CRPPA: variants seen among roughly 807,000 people sequenced by gnomAD.
CRPPA encodes the protein CDP-L-ribitol pyrophosphorylase A.
Under a neutral mutation model 52.0 loss-of-function variants are expected in CRPPA, and 43 were observed. That is an observed-to-expected ratio of 0.83 (90% CI 0.65 to 1.07). CRPPA has a LOEUF of 1.07. CRPPA is among the 50% of genes least tolerant of loss of function. The probability of loss-of-function intolerance (pLI) is 0.00; values close to 1 mark genes in which losing one functional copy is unlikely to be tolerated. For synonymous variants in CRPPA, 250 were observed against 203.5 expected (o/e 1.23, Z -1.94); for missense variants, 629 against 551.7 (o/e 1.14, Z -1.40).
chr7:16,383,966 G>A (rs920818874), intron 2 of CRPPA, among the ~76,000 whole-genome samples: 1 of 152,200 alleles, frequency 6.6e-6, no homozygotes, highest in African/African-American at 2.4e-5. Flanking sequence ...GCAATGCCTC[G>A]CCCTGCTTTG....
rs397514547 is a variant in CRPPA, at chr7:16,406,129, C to G, written c.466G>C (p.Asp156His). 6.2e-7 allele frequency: 1 copy of G among 1,613,962 alleles called. No homozygotes were observed. Among genetic ancestry groups the G allele is most frequent in the South Asian group, 1.1e-5 (1 of 91,082 alleles). ...TCCTCAACAAATGGTCTCACAGCATCATGGATAATCACTACTTCTGGCTTA... is the reference window on the plus strand; with the variant it reads ...TCCTCAACAAATGGTCTCACAGCATGATGGATAATCACTACTTCTGGCTTA... ...LSKPEVVIIH[D>H]AVRPFVEEGV... Residue 156 changes from aspartate to histidine, a missense_variant, in exon 2 of 10, where the codon GAT (aspartate) becomes CAT (histidine). By Grantham distance (81) the Asp-to-His change is moderately conservative. Transcript: ENST00000407010.
rs1784527683 is a variant in CRPPA at position 16,290,007 on chromosome 7, A to G, written c.835+11414T>C. On this transcript the variant is annotated intron_variant, in intron 5 of 9. Coordinates refer to ENST00000407010, the MANE Select transcript of CRPPA (RefSeq NM_001101426.4). ...AAAATTCAACATACAAAAATCAGTC[A>G]TATTTTCATATACAAATAACTAGCT... Among the ~76,000 whole-genome samples the G allele has an allele frequency of 2.0e-5, 3 of 152,176 alleles. No homozygotes were observed. The South Asian group carries it at 6.2e-4, about 31-fold the overall frequency.
chr7:16,117,390 C>T (rs984054249), intron 9 of CRPPA, among the ~76,000 whole-genome samples: 4 of 152,178 alleles, frequency 2.6e-5, no homozygotes, highest in African/African-American at 4.8e-5. Context: ...CCTTCCTTTT[C>T]TTTCCTTCAG....
chr7:16,147,304 T>C (rs1416177622), intron 9 of CRPPA, among the ~76,000 whole-genome samples: 2 of 152,196 alleles, frequency 1.3e-5, no homozygotes, highest in African/African-American at 2.4e-5. Flanking sequence ...AATCCCTGGC[T>C]TCAAGGAACG....
chr7:16,232,014 G>C (rs1258068721), intron 8 of CRPPA, among the ~76,000 whole-genome samples: 2 of 152,138 alleles, frequency 1.3e-5, no homozygotes, highest in East Asian at 3.9e-4. Context: ...ACAGAATAGA[G>C]TCACAGGTAG....
At chr7:16,158,031 C>T (rs553489195) in intron 9 of CRPPA, among the ~76,000 whole-genome samples, 5 of 151,556 alleles carry the variant, frequency 3.3e-5, no homozygotes, top group African/African-American at 9.7e-5. Flanking sequence ...CGTGCCACCA[C>T]GCCCAGCTAA....
chr7:16,252,960 T>A (rs1003627266), intron 8 of CRPPA, among the ~76,000 whole-genome samples: 7 of 152,224 alleles, frequency 4.6e-5, no homozygotes, highest in Non-Finnish European at 8.8e-5. Context: ...ATCCCCTTTA[T>A]CATTTTTAAT....
At chr7:16,358,433 C>T (rs1366257473) in intron 3 of CRPPA, among the ~76,000 whole-genome samples, 2 of 152,186 alleles carry the variant, frequency 1.3e-5, no homozygotes, top group African/African-American at 4.8e-5. Context: ...TTACCTTTCA[C>T]GGGCTAAATC....
intron 3 of CRPPA, among the ~76,000 whole-genome samples, chr7:16,318,514 G>T (rs114181265): frequency 2.0e-4 from 31 of 151,986 alleles, no homozygotes; most frequent in Non-Finnish European, 3.4e-4. Context: ...TAACAAATAT[G>T]TACAAAAAAA....
intron 9 of CRPPA, among the ~76,000 whole-genome samples, chr7:16,128,711 G>T (rs1036411530): frequency 6.6e-6 from 1 of 152,120 alleles, no homozygotes; most frequent in African/African-American, 2.4e-5. Context: ...GGAAAAATTT[G>T]TCCCTAATAA....
In CRPPA at chr7:16,146,700, TTATACC is replaced by T. The variant is rs559393749; in HGVS notation, c.1252-54907_1252-54902del. 2.7e-3 allele frequency among the ~76,000 whole-genome samples: 413 copies of T among 152,310 alleles called. 3 individuals carry two copies. Among genetic ancestry groups the T allele is most frequent in the African/African-American group, 9.5e-3 (395 of 41,566 alleles). On this transcript the variant is annotated intron_variant, in intron 9 of 9. Coordinates refer to ENST00000407010, the MANE Select transcript of CRPPA (RefSeq NM_001101426.4). ...CGAAATGTTATCTTAAAAGAGACTGTTATACCTATAAGATGTTTTATGTAAGCCTCA... is the reference window on the plus strand; with the variant it reads ...CGAAATGTTATCTTAAAAGAGACTGTTATAAGATGTTTTATGTAAGCCTCA...
intron 3 of CRPPA, among the ~76,000 whole-genome samples, chr7:16,310,589 G>T (rs749528682): frequency 1.7e-4 from 26 of 151,988 alleles, no homozygotes; most frequent in Non-Finnish European, 3.4e-4. Flanking sequence ...ATTTAAAAAG[G>T]CAGAAAAGGA....
chr7:16,277,193 G>A (rs1784220135), intron 6 of CRPPA: 1 of 152,002 alleles, frequency 6.6e-6, no homozygotes, highest in Admixed American at 6.6e-5. Flanking sequence ...CAAGCAGTCT[G>A]ATAACAGAGC....
At chr7:16,104,810 G>A (rs900339721) in intron 9 of CRPPA, among the ~76,000 whole-genome samples, 1 of 151,438 alleles carries the variant, frequency 6.6e-6, no homozygotes, top group Non-Finnish European at 1.5e-5. Context: ...TGAGGCAGAA[G>A]AATTGCTTGA....
chr7:16,322,805 G>A (rs900886300), intron 3 of CRPPA, among the ~76,000 whole-genome samples: 1 of 149,890 alleles, frequency 6.7e-6, no homozygotes, highest in East Asian at 1.9e-4. Context: ...ATGCTGCTAT[G>A]AAGAAATACC....
chr7:16,389,928 A>AATATATATATATAT (rs1202579530), intron 2 of CRPPA, among the ~76,000 whole-genome samples: 10 of 29,748 alleles, frequency 3.4e-4, no homozygotes, highest in East Asian at 1.4e-3. Context: ...AAAAAAAAAA[A>AATATATATATATAT]ATATATATAT....
intron 1 of CRPPA, among the ~76,000 whole-genome samples, chr7:16,414,687 T>C (rs1435145547): frequency 6.6e-6 from 1 of 152,224 alleles, no homozygotes; most frequent in Non-Finnish European, 1.5e-5. Flanking sequence ...TTCTTGTTAG[T>C]AAAAGGCGAA....
chr7:16,351,632 C>T (rs556480710), intron 3 of CRPPA, among the ~76,000 whole-genome samples: 79 of 151,808 alleles, frequency 5.2e-4, no homozygotes, highest in Middle Eastern at 3.4e-3. Context: ...TCTCAAAAGA[C>T]GACATTTATG....
intron 1 of CRPPA, among the ~76,000 whole-genome samples, chr7:16,420,070 G>T (rs1299463470): frequency 6.6e-6 from 1 of 152,148 alleles, no homozygotes; most frequent in Admixed American, 6.5e-5. Context: ...AAGCATGTGT[G>T]AGGGTTTGCG....
Sources: gnomAD v4.1 joint callset for allele counts (sites outside exome capture counted in the v4.1 genomes callset) on GRCh38, gnomAD v4.1.1 for gene constraint, MANE v1.5 for transcripts, NCBI Gene and HGNC (gene_info 2026-07-23, HGNC 2026-07-21) for gene names.